The following PRELID2 variants were observed in gnomAD, a reference collection of about 807,000 sequenced individuals.
PRELID2 encodes PRELI domain-containing protein 2.
Under a neutral mutation model 28.4 loss-of-function variants are expected in PRELID2, and 25 were observed. That is an observed-to-expected ratio of 0.88 (90% CI 0.64 to 1.23). PRELID2 has a LOEUF of 1.23. Ranked by LOEUF, PRELID2 falls within the 50% of genes most tolerant of loss-of-function variation. PRELID2 has a pLI of 0.00. For missense variants in PRELID2, 201 were observed against 214.4 expected (o/e 0.94, Z 0.39); for synonymous variants, 76 against 71.6 (o/e 1.06, Z -0.31).
At chr5:145,345,149 T>C in the PRELID2 span, among the ~76,000 whole-genome samples, 2 of 152,178 alleles carry the variant, frequency 1.3e-5, no homozygotes, top group East Asian at 1.9e-4. Flanking sequence ...TTTTAATTTT[T>C]ACTTATCCAT....
intron 1 of PRELID2, among the ~76,000 whole-genome samples, chr5:145,637,366 T>G (rs1436025992): frequency 2.6e-5 from 4 of 152,178 alleles, no homozygotes; most frequent in African/African-American, 7.2e-5. Context: ...CTGGGAATGT[T>G]GGAATCAGGA....
the PRELID2 span, among the ~76,000 whole-genome samples, chr5:145,429,265 C>A: frequency 1.3e-5 from 2 of 152,012 alleles, no homozygotes; most frequent in Admixed American, 6.5e-5. Flanking sequence ...GTACCCTGGC[C>A]ATGAAAGGAA....
chr5:145,404,567 C>G, the PRELID2 span, among the ~76,000 whole-genome samples: 2 of 152,152 alleles, frequency 1.3e-5, no homozygotes, highest in Non-Finnish European at 1.5e-5. Context: ...AATTATAATA[C>G]AGTGTGGAGA....
At chr5:145,398,783 C>T in the PRELID2 span, among the ~76,000 whole-genome samples, 2 of 151,856 alleles carry the variant, frequency 1.3e-5, no homozygotes, top group South Asian at 2.1e-4. Flanking sequence ...AAGAAGAAAA[C>T]AAAACATGTG....
At chr5:145,808,041 C>T (rs540308759) in intron 4 of PRELID2, among the ~76,000 whole-genome samples, 1 of 152,280 alleles carries the variant, frequency 6.6e-6, no homozygotes, top group East Asian at 1.9e-4. Context: ...GGCCTCACTG[C>T]TTGGCTCTTC....
chr5:145,765,266 G>A (rs899750537), intron 5 of PRELID2, among the ~76,000 whole-genome samples: 4 of 152,194 alleles, frequency 2.6e-5, no homozygotes, highest in African/African-American at 9.7e-5. Flanking sequence ...AACAACCCAA[G>A]AGTAGTTAAA....
the PRELID2 span, among the ~76,000 whole-genome samples, chr5:145,341,347 T>C: frequency 6.6e-6 from 1 of 151,964 alleles, no homozygotes; most frequent in Non-Finnish European, 1.5e-5. Flanking sequence ...TGAAAAACAA[T>C]ACAAAAAACT....
the PRELID2 span, among the ~76,000 whole-genome samples, chr5:145,319,219 G>A: frequency 2.6e-5 from 4 of 152,128 alleles, no homozygotes; most frequent in South Asian, 8.3e-4. Flanking sequence ...CCTTTGCTGG[G>A]GAACCACACT....
At chr5:145,263,036 G>T in the PRELID2 span, among the ~76,000 whole-genome samples, 24 of 152,034 alleles carry the variant, frequency 1.6e-4, no homozygotes, top group Non-Finnish European at 3.4e-4. Flanking sequence ...AGCAGGAATA[G>T]CTATTTTTAT....
At chr5:145,730,286 TG>T (rs1756301482) in intron 1 of PRELID2, among the ~76,000 whole-genome samples, 1 of 152,086 alleles carries the variant, frequency 6.6e-6, no homozygotes, top group Non-Finnish European at 1.5e-5. Context: ...CCCAACACAC[TG>T]GCCAAAGTAA....
intron 1 of PRELID2, among the ~76,000 whole-genome samples, chr5:145,542,047 C>T (rs1019732007): frequency 6.6e-6 from 1 of 152,054 alleles, no homozygotes; most frequent in Non-Finnish European, 1.5e-5. Flanking sequence ...TTTATATCTG[C>T]ATTTTGTAAA....
At chr5:145,407,780 T>C in the PRELID2 span, among the ~76,000 whole-genome samples, 7 of 152,082 alleles carry the variant, frequency 4.6e-5, no homozygotes, top group East Asian at 1.9e-4. Context: ...CAACAACAAC[T>C]GGATAACCAG....
chr5:145,512,547 A>G (rs1175728079), intron 1 of PRELID2, among the ~76,000 whole-genome samples: 2 of 152,112 alleles, frequency 1.3e-5, no homozygotes, highest in African/African-American at 2.4e-5. Context: ...CACCTGGGGG[A>G]GGAGGTGCAG....
intron 1 of PRELID2, among the ~76,000 whole-genome samples, chr5:145,700,165 C>A (rs1755373252): frequency 6.6e-6 from 1 of 150,804 alleles, no homozygotes; most frequent in Non-Finnish European, 1.5e-5. Context: ...GTCATCAGAA[C>A]CCAGTGGTTT....
chr5:145,351,598 C>T, the PRELID2 span, among the ~76,000 whole-genome samples: 1 of 152,026 alleles, frequency 6.6e-6, no homozygotes, highest in Non-Finnish European at 1.5e-5. Context: ...CACCCTTTTC[C>T]CCTCCTAAAT....
At chr5:145,741,377 T>G (rs1222125127) in intron 1 of PRELID2, among the ~76,000 whole-genome samples, 1 of 110,720 alleles carries the variant, frequency 9.0e-6, no homozygotes, top group Non-Finnish European at 1.7e-5. Context: ...TATATAAATT[T>G]TATTTATAAA....
At chr5:145,363,454 A>G in the PRELID2 span, among the ~76,000 whole-genome samples, 1 of 152,156 alleles carries the variant, frequency 6.6e-6, no homozygotes, top group African/African-American at 2.4e-5. Context: ...AAAACTCTTA[A>G]GTCCTCTGAC....
At chr5:145,520,840 A>C (rs919458763) in intron 1 of PRELID2, among the ~76,000 whole-genome samples, 8 of 151,934 alleles carry the variant, frequency 5.3e-5, no homozygotes, top group Admixed American at 2.0e-4. Context: ...CATAGTACTC[A>C]ATATATGTTG....
chr5:145,776,737 A>G lies in PRELID2; in HGVS notation c.475-11737T>C, dbSNP rs576759492. The stretch of plus-strand genomic sequence containing the variant: ...AGACACTGAAGAAATAGATGTAATA[A>G]TGTTGATACTTCTTAAAAGTTGTTC... On this transcript the variant is annotated intron_variant, in intron 5 of 6. Coordinates refer to ENST00000683046, the MANE Select transcript of PRELID2 (RefSeq NM_205846.3). Among the ~76,000 whole-genome samples the G allele has an allele frequency of 1.0e-3, 158 of 152,332 alleles. 1 individual carries two copies. The highest frequency in any genetic ancestry group is 3.7e-3 in the African/African-American group (154 of 41,576).
Sources: allele counts gnomAD v4.1 joint callset (sites outside exome capture counted in the v4.1 genomes callset), GRCh38; gene constraint gnomAD v4.1.1; transcripts MANE v1.5; gene names NCBI Gene and HGNC (gene_info 2026-07-23, HGNC 2026-07-21).